Variants in FBXL17 observed in about 807,000 individuals in gnomAD.
The protein encoded by FBXL17 is F-box/LRR-repeat protein 17.
In FBXL17, 22 loss-of-function variants were observed where a neutral mutation model predicts 66.2. That is an observed-to-expected ratio of 0.33 (90% CI 0.24 to 0.47). FBXL17 has a LOEUF of 0.47. Among genes scored for constraint, FBXL17 ranks in the 20% least tolerant of loss-of-function variants. FBXL17 has a pLI of 1.00. For missense variants in FBXL17, 878 were observed against 948.2 expected, an observed-to-expected ratio of 0.93 and a Z score of 0.97; for synonymous variants, 474 against 400.5, an observed-to-expected ratio of 1.18 and a Z score of -2.19.
intron 4 of FBXL17, among the ~76,000 whole-genome samples, chr5:108,290,126 T>A (rs747227676): frequency 3.3e-5 from 5 of 152,160 alleles, no homozygotes; most frequent in Non-Finnish European, 7.4e-5. Flanking sequence ...GCTGGGTGTA[T>A]CTGGCAATGA....
At chr5:107,874,121 T>C (rs1032979075) in intron 8 of FBXL17, among the ~76,000 whole-genome samples, 1 of 152,148 alleles carries the variant, frequency 6.6e-6, no homozygotes, top group Non-Finnish European at 1.5e-5. Flanking sequence ...CTTCTACCGG[T>C]TCCAGGTTTC....
chr5:108,168,005 G>T (rs1373123777), intron 6 of FBXL17, among the ~76,000 whole-genome samples: 2 of 152,156 alleles, frequency 1.3e-5, no homozygotes, highest in Non-Finnish European at 2.9e-5. Flanking sequence ...GGGAAAGGAG[G>T]AATGAGGAGA....
chr5:107,861,722 A>G lies in FBXL17; in HGVS notation c.2104T>C (p.Ter702GlnextTer6). The G allele has an allele frequency of 6.4e-7, 1 of 1,573,864 alleles. No homozygotes were observed. Among genetic ancestry groups the G allele is most frequent in the East Asian group, 2.3e-5 (1 of 42,686 alleles). The stretch of plus-strand genomic sequence containing the variant: ...GTGGACTAGGCGAGGCAGGAGCGCT[A>G]GGAGGAGGCGGCAGACATGTTGGGG... ...WTPNMSAASS[*>Q] Residue 702 changes from the stop codon to glutamine (Q), a stop_lost, in exon 9 of 9, where the codon TAG becomes CAG. Transcript: ENST00000542267.
intron 5 of FBXL17, among the ~76,000 whole-genome samples, chr5:108,213,787 C>G (rs1045816694): frequency 3.3e-5 from 5 of 152,214 alleles, no homozygotes; most frequent in Non-Finnish European, 7.3e-5. Context: ...CAATCTAATA[C>G]GTGTGTGGTG....
chr5:108,347,392 T>C (rs185865099), intron 4 of FBXL17, among the ~76,000 whole-genome samples: 2 of 152,322 alleles, frequency 1.3e-5, no homozygotes, highest in Admixed American at 1.3e-4. Flanking sequence ...ATGTACGCTA[T>C]TTTTCAATTT....
chr5:108,233,833 T>A (rs1443840052), intron 4 of FBXL17, among the ~76,000 whole-genome samples: 1 of 152,140 alleles, frequency 6.6e-6, no homozygotes, highest in Non-Finnish European at 1.5e-5. Flanking sequence ...AATCTTAAGC[T>A]GCTAAACCTA....
chr5:108,082,677 A>C (rs1748815828), intron 6 of FBXL17, among the ~76,000 whole-genome samples: 4 of 152,210 alleles, frequency 2.6e-5, no homozygotes, highest in Admixed American at 2.6e-4. Context: ...GTGATCATCT[A>C]CAAATCCCAT....
chr5:108,200,076 A>T (rs569699440), intron 5 of FBXL17, among the ~76,000 whole-genome samples: 1 of 152,270 alleles, frequency 6.6e-6, no homozygotes, highest in South Asian at 2.1e-4. Context: ...ACTGGGACCC[A>T]CAAGCCACAG....
At chr5:107,930,673 G>A (rs2112574323) in intron 7 of FBXL17, among the ~76,000 whole-genome samples, 1 of 152,330 alleles carries the variant, frequency 6.6e-6, no homozygotes, top group South Asian at 2.1e-4. Context: ...GAACACAAAA[G>A]AAAAGAAGTG....
At chr5:108,288,230 T>C (rs1757975574) in intron 4 of FBXL17, among the ~76,000 whole-genome samples, 1 of 150,876 alleles carries the variant, frequency 6.6e-6, no homozygotes, top group South Asian at 2.1e-4. Context: ...AATTTACCTA[T>C]ATAACAAACC....
chr5:108,247,638 G>A (rs1327776425), intron 4 of FBXL17, among the ~76,000 whole-genome samples: 1 of 152,052 alleles, frequency 6.6e-6, no homozygotes, highest in African/African-American at 2.4e-5. Context: ...TTAAAATTAA[G>A]AAATCTAAAC....
chr5:107,960,630 C>T (rs1198008192), intron 7 of FBXL17, among the ~76,000 whole-genome samples: 1 of 152,170 alleles, frequency 6.6e-6, no homozygotes, highest in East Asian at 1.9e-4. Context: ...TTTCACTCAA[C>T]ATAATGTCCC....
chr5:108,156,188 T>C (rs1224731466), intron 6 of FBXL17, among the ~76,000 whole-genome samples: 1 of 152,136 alleles, frequency 6.6e-6, no homozygotes, highest in Non-Finnish European at 1.5e-5. Flanking sequence ...CAGATCATAC[T>C]TTAGTTATTG....
intron 7 of FBXL17, among the ~76,000 whole-genome samples, chr5:107,973,959 TAAC>T (rs1752485274): frequency 6.6e-6 from 1 of 152,182 alleles, no homozygotes; most frequent in Non-Finnish European, 1.5e-5. Flanking sequence ...ACTAAATTGA[TAAC>T]AATTCCATCC....
chr5:108,111,576 A>G (rs72789272), intron 6 of FBXL17, among the ~76,000 whole-genome samples: 3 of 152,344 alleles, frequency 2.0e-5, no homozygotes, highest in Non-Finnish European at 4.4e-5. Flanking sequence ...TGAATGCTGT[A>G]TACAAGATCT....
At chr5:108,037,135 G>C (rs1746874494) in intron 6 of FBXL17, among the ~76,000 whole-genome samples, 1 of 152,028 alleles carries the variant, frequency 6.6e-6, no homozygotes, top group Non-Finnish European at 1.5e-5. Context: ...TCCTATGCTA[G>C]GTAAGACAAA....
intron 1 of FBXL17, among the ~76,000 whole-genome samples, chr5:108,376,771 T>C (rs1204930496): frequency 6.7e-6 from 1 of 148,942 alleles, no homozygotes; most frequent in African/African-American, 2.5e-5. Context: ...TTGGATAACA[T>C]AGCCAGTGTA....
chr5:107,879,789 C>T (rs1483011531), intron 8 of FBXL17: 5 of 985,262 alleles, frequency 5.1e-6, no homozygotes, highest in Non-Finnish European at 6.0e-6. Flanking sequence ...TACAAGATGG[C>T]GGCACTTTCT....
intron 4 of FBXL17, among the ~76,000 whole-genome samples, chr5:108,237,400 C>T (rs915003395): frequency 2.0e-5 from 3 of 152,138 alleles, no homozygotes; most frequent in Non-Finnish European, 4.4e-5. Flanking sequence ...GCTTGCATCC[C>T]AGTTCGGTTC....
Sources: gnomAD v4.1 joint callset for allele counts (sites outside exome capture counted in the v4.1 genomes callset) on GRCh38, gnomAD v4.1.1 for gene constraint, MANE v1.5 for transcripts, NCBI Gene and HGNC (gene_info 2026-07-23, HGNC 2026-07-21) for gene names.